Variants in IRX2 observed in about 807,000 individuals in gnomAD.
IRX2 encodes iroquois homeobox 2, also known as iroquois-class homeodomain protein IRX-2.
IRX2 carries 26 observed loss-of-function variants against 42.9 expected under a neutral mutation model. The observed-to-expected ratio is 0.61, with a 90% CI of 0.44 to 0.84. The LOEUF (loss-of-function observed/expected upper bound fraction) is 0.84, where lower values mean the gene tolerates loss of function less well. Ranked by LOEUF, IRX2 falls within the 40% of genes least tolerant of loss-of-function variation. The pLI is 0.00. For missense variants in IRX2, 782 were observed against 713.9 expected (o/e 1.10, Z -1.09); for synonymous variants, 424 against 353.9 (o/e 1.20, Z -2.22).
downstream of IRX2, among the ~76,000 whole-genome samples, chr5:2,742,355 T>C (rs1012758902): frequency 5.3e-5 from 8 of 152,240 alleles, no homozygotes; most frequent in Non-Finnish European, 1.2e-4. Flanking sequence ...AAAATTATAT[T>C]GTCATAGATT....
At chr5:2,744,253 C>T (rs559587852), downstream of IRX2, among the ~76,000 whole-genome samples, 41 of 152,288 alleles carry the variant, frequency 2.7e-4, no homozygotes, top group South Asian at 8.3e-3. Flanking sequence ...TACTCTCACA[C>T]TTAAGAAATG....
chr5:2,745,803 G>A (rs997145686), downstream of IRX2: 3 of 152,128 alleles, frequency 2.0e-5, no homozygotes, highest in African/African-American at 7.2e-5. Flanking sequence ...GGTTTACTGA[G>A]GAGGTTCAAG....
At chr5:2,739,438 C>A in the IRX2 span, among the ~76,000 whole-genome samples, 2 of 152,204 alleles carry the variant, frequency 1.3e-5, no homozygotes, top group Non-Finnish European at 2.9e-5. Context: ...GCCGCCAGAG[C>A]GGTGGAAAAG....
rs1238623661 is a variant in IRX2, at chr5:2,746,423, G to C, written c.*1141C>G. 6.6e-6 allele frequency: 1 copy of C among 152,074 alleles called. No individual in the cohort carries two copies. The highest frequency in any genetic ancestry group is 2.4e-5 in the African/African-American group (1 of 41,396). 9.4% of individuals were successfully genotyped at this position (152,074 alleles called of 1,614,324 possible). On this transcript the variant is annotated 3_prime_UTR_variant, in exon 4 of 4. Coordinates refer to ENST00000302057, the MANE Select transcript of IRX2 (RefSeq NM_033267.5). The stretch of plus-strand genomic sequence containing the variant: ...TCTTCCATCACGTTTTATTTCTACT[G>C]TGTACATCTTTTACAAATAAACTTT...
Position 2,747,321 on chromosome 5 carries a change from T to A in IRX2, c.*243A>T, listed in dbSNP as rs1055365. On this transcript the variant is annotated 3_prime_UTR_variant, in exon 4 of 4. Transcript: ENST00000302057. The stretch of plus-strand genomic sequence containing the variant: ...CACACACACACATATATATATATAT[T>A]TTTTTTTTCCTTCCCTAGGTAAAGG... The A allele has an allele frequency of 0.053, 8,746 of 163,546 alleles. 211 individuals carry two copies. The highest frequency in any genetic ancestry group is 0.14 in the East Asian group (2,134 of 15,790). The allele number at this position is 163,546 out of a possible 1,614,324, so 10.1% of individuals were successfully genotyped here. A position where few individuals can be genotyped will look rare whatever the true frequency, so the allele number is the denominator to read the frequency against.
intron 3 of IRX2, 148 bp from the exon 4 acceptor site, chr5:2,747,764 G>T (rs1324231101): frequency 1.1e-5 from 8 of 700,242 alleles, no homozygotes; most frequent in Non-Finnish European, 2.0e-5. Context: ...ACGACTTTTG[G>T]TGATGGTCCC....
downstream of IRX2, among the ~76,000 whole-genome samples, chr5:2,745,625 C>T (rs547195835): frequency 3.3e-5 from 5 of 152,072 alleles, no homozygotes; most frequent in South Asian, 2.1e-4. Flanking sequence ...GATCCTCACC[C>T]GAGGTTTAAT....
At chr5:2,744,376 T>C (rs1051043018), downstream of IRX2, among the ~76,000 whole-genome samples, 7 of 152,238 alleles carry the variant, frequency 4.6e-5, no homozygotes, top group East Asian at 1.9e-4. Flanking sequence ...ACTCTAGTTA[T>C]AACATTACAC....
Position 2,751,257 on chromosome 5 carries a change from C to G in IRX2, c.157G>C (p.Ala53Pro). The change falls in exon 1 of 4, where the codon GCC (alanine) becomes CCC (proline). Residue 53 changes from alanine (A) to proline (P), a missense_variant. Transcript: ENST00000302057. This position sits in a 1 kb window ranked among gnomAD's most constrained non-coding sequence, Gnocchi z 4.0. ...CCGGTGGCCGCCTGCGCCGTGAAGGCCGCCGAGCCCGGGTAGGGGCTGAAC... is the reference window on the plus strand; with the variant it reads ...CCGGTGGCCGCCTGCGCCGTGAAGGGCGCCGAGCCCGGGTAGGGGCTGAAC... ...SAFSPYPGSA[A>P]FTAQAATGFG... 3 of 1,406,036 alleles carry G rather than the reference C, an allele frequency of 2.1e-6. No homozygotes were observed. Among genetic ancestry groups the G allele is most frequent in the Non-Finnish European group, 2.8e-6 (3 of 1,079,216 alleles). 87.1% of individuals were successfully genotyped at this position (1,406,036 alleles called of 1,614,324 possible).
chr5:2,746,067 G>C (rs1356452949), downstream of IRX2: 6 of 149,602 alleles, frequency 4.0e-5, no homozygotes, highest in Non-Finnish European at 5.9e-5. Flanking sequence ...TTTCACACAG[G>C]TTTTCATTAA....
chr5:2,739,942 C>T, the IRX2 span, among the ~76,000 whole-genome samples: 3 of 152,110 alleles, frequency 2.0e-5, no homozygotes, highest in African/African-American at 7.2e-5. Flanking sequence ...GGGACTGAAG[C>T]CCGGGACCAG....
the IRX2 span, among the ~76,000 whole-genome samples, chr5:2,739,668 C>T: frequency 6.6e-6 from 1 of 152,204 alleles, no homozygotes; most frequent in South Asian, 2.1e-4. Context: ...TGAACCCGGG[C>T]CGGGCGCTTT....
chr5:2,738,006 G>A, the IRX2 span, among the ~76,000 whole-genome samples: 19 of 152,170 alleles, frequency 1.2e-4, no homozygotes, highest in South Asian at 4.2e-4. Context: ...CACTCCTCCC[G>A]GCCTTGTTTG....
downstream of IRX2, among the ~76,000 whole-genome samples, chr5:2,745,396 G>A (rs1268814373): frequency 6.6e-6 from 1 of 152,038 alleles, no homozygotes; most frequent in Non-Finnish European, 1.5e-5. Flanking sequence ...ATATTATATG[G>A]ATATCCATAT....
chr5:2,739,540 G>T, the IRX2 span, among the ~76,000 whole-genome samples: 1 of 152,208 alleles, frequency 6.6e-6, no homozygotes, highest in Non-Finnish European at 1.5e-5. Flanking sequence ...GGAGAGACCG[G>T]GGGGACCGGG....
downstream of IRX2, among the ~76,000 whole-genome samples, chr5:2,741,032 G>A (rs544842148): frequency 7.0e-4 from 107 of 152,348 alleles, no homozygotes; most frequent in African/African-American, 2.5e-3. Context: ...ACCTTGCTGG[G>A]TGCAGAGCCG....
rs750070060 is a variant in IRX2 at position 2,749,456 on chromosome 5, CCCTCGT to C, written c.575_580del (p.Asp192_Glu193del). 5.6e-6 allele frequency: 9 copies of C among 1,614,152 alleles called. No homozygotes were observed. Among genetic ancestry groups the C allele is most frequent in the East Asian group, 2.2e-5 (1 of 44,850 alleles). On this transcript the variant is annotated inframe_deletion, in exon 2 of 4. Coordinates refer to ENST00000302057, the MANE Select transcript of IRX2 (RefSeq NM_033267.5). ...CTCGTCCTTGCTTCTGGTAGCGTCG[CCCTCGT>C]CCTCGTCCTCATCTTCGCTTTTGTT... is the stretch of plus-strand genomic sequence containing the variant.
downstream of IRX2, among the ~76,000 whole-genome samples, chr5:2,745,610 C>A (rs1477659367): frequency 2.0e-5 from 3 of 152,094 alleles, no homozygotes; most frequent in African/African-American, 4.8e-5. Context: ...TAAGTCCCTC[C>A]CCCAGATCCT....
At chr5:2,747,794 T>C (rs538861541) in intron 3 of IRX2, among the ~76,000 whole-genome samples, 178 bp from the exon 4 acceptor site, 1 of 152,312 alleles carries the variant, frequency 6.6e-6, no homozygotes, top group Admixed American at 6.5e-5. Flanking sequence ...ACTTCCCCCC[T>C]TGAACTCCTC....
Sources: gnomAD v4.1 joint callset for allele counts (sites outside exome capture counted in the v4.1 genomes callset) on GRCh38, gnomAD v4.1.1 for gene constraint, Gnocchi (gnomAD v3.1) non-coding constraint, MANE v1.5 for transcripts, NCBI Gene and HGNC (gene_info 2026-07-23, HGNC 2026-07-21) for gene names.